Variants in WWOX observed in about 807,000 individuals in gnomAD.
WWOX encodes the protein WW domain containing oxidoreductase.
Under a neutral mutation model 46.2 loss-of-function variants are expected in WWOX, and 69 were observed. The ratio of observed to expected loss-of-function variants is 1.49; its 90% CI spans 1.23 to 1.82. The LOEUF (loss-of-function observed/expected upper bound fraction) is 1.82. Ranked by LOEUF, WWOX falls within the 40% of genes most tolerant of loss-of-function variation. WWOX has a pLI of 0.00. For missense variants in WWOX, 919 were observed against 542.6 expected, an observed-to-expected ratio of 1.69 and a Z score of -6.89; for synonymous variants, 359 against 202.6, an observed-to-expected ratio of 1.77 and a Z score of -6.56.
intron 8 of WWOX, among the ~76,000 whole-genome samples, chr16:78,579,936 T>TA (rs1245387050): frequency 6.6e-6 from 1 of 152,200 alleles, no homozygotes; most frequent in African/African-American, 2.4e-5. Context: ...TTCTGAATGT[T>TA]AAAATGCAGG....
chr16:78,627,045 C>CA (rs1419500068), intron 8 of WWOX, among the ~76,000 whole-genome samples: 2 of 152,194 alleles, frequency 1.3e-5, no homozygotes, highest in Admixed American at 6.5e-5. Context: ...CTCTTCCCCC[C>CA]ACCTCATACA....
At position 78,769,928 on chromosome 16, in the gene WWOX, C is replaced by T. The variant is rs116385768; in HGVS notation, c.1056+337176C>T. ...TGTGTGGTGGAGCATGTGGGGGTCC[C>T]AGCTACTTGGCAGGCTGAAGCAGGA... is the stretch of plus-strand genomic sequence containing the variant. On this transcript the variant is annotated intron_variant, in intron 8 of 8. Transcript: ENST00000566780. Among the ~76,000 whole-genome samples the T allele has an allele frequency of 6.9e-3, 1,049 of 152,084 alleles. 16 individuals carry two copies. Among genetic ancestry groups the T allele is most frequent in the African/African-American group, 0.024 (1,009 of 41,468 alleles).
intron 6 of WWOX, among the ~76,000 whole-genome samples, chr16:78,392,563 C>G (rs527379652): frequency 1.3e-5 from 2 of 152,140 alleles, no homozygotes; most frequent in East Asian, 3.9e-4. Flanking sequence ...CAGAAAACCA[C>G]TTGCTGGTGC....
In WWOX at chr16:78,337,889, C is replaced by A. The variant is rs1461874267; in HGVS notation, c.517-48971C>A. 2.5e-5 allele frequency among the ~76,000 whole-genome samples: 3 copies of A among 119,990 alleles called. 1 individual carries two copies. Among genetic ancestry groups the A allele is most frequent in the African/African-American group, 8.5e-5 (3 of 35,476 alleles). 78.7% of individuals were successfully genotyped at this position (119,990 alleles called of 152,430 possible). On this transcript the variant is annotated intron_variant, in intron 5 of 8. Coordinates refer to ENST00000566780, the MANE Select transcript of WWOX (RefSeq NM_016373.4). ...CAGTGGTAGAGCTGATGTAGAAGCGCCCTCTCTGTTCCTGGCAGTGCCTGT... is the reference window on the plus strand; with the variant it reads ...CAGTGGTAGAGCTGATGTAGAAGCGACCTCTCTGTTCCTGGCAGTGCCTGT...
intron 4 of WWOX, among the ~76,000 whole-genome samples, chr16:78,152,961 C>G (rs930565078): frequency 6.6e-5 from 10 of 152,158 alleles, no homozygotes; most frequent in Admixed American, 5.2e-4. Flanking sequence ...TTAGGAAGCT[C>G]TGTAGGGATT....
chr16:78,506,114 G>C (rs1262398414), intron 8 of WWOX, among the ~76,000 whole-genome samples: 1 of 151,732 alleles, frequency 6.6e-6, no homozygotes, highest in Non-Finnish European at 1.5e-5. Flanking sequence ...CCTGGAGAAG[G>C]GGAGGACAGG....
intron 5 of WWOX, among the ~76,000 whole-genome samples, chr16:78,292,659 A>T (rs981219711): frequency 3.9e-5 from 6 of 152,076 alleles, no homozygotes; most frequent in African/African-American, 1.2e-4. Context: ...AGCTCTTCCT[A>T]AATTTATTTA....
intron 8 of WWOX, among the ~76,000 whole-genome samples, chr16:78,563,889 C>T (rs1313108748): frequency 1.3e-5 from 2 of 152,142 alleles, no homozygotes; most frequent in South Asian, 2.1e-4. Flanking sequence ...CTCCTTGAAC[C>T]AGGATGGCAT....
At chr16:79,071,086 T>G (rs1474832111) in intron 8 of WWOX, among the ~76,000 whole-genome samples, 1 of 152,210 alleles carries the variant, frequency 6.6e-6, no homozygotes, top group African/African-American at 2.4e-5. Flanking sequence ...CCTTCTCTTT[T>G]TATGATTCCC....
At chr16:78,532,048 T>C (rs1333745290) in intron 8 of WWOX, among the ~76,000 whole-genome samples, 1 of 151,484 alleles carries the variant, frequency 6.6e-6, no homozygotes, top group African/African-American at 2.4e-5. Flanking sequence ...GAAGTGGTAT[T>C]TGGGGGAGTA....
chr16:79,155,205 ATC>A (rs1244238645), intron 8 of WWOX, among the ~76,000 whole-genome samples: 1 of 152,104 alleles, frequency 6.6e-6, no homozygotes, highest in African/African-American at 2.4e-5. Flanking sequence ...GTGAAACCCC[ATC>A]TCTCCTAAAA....
chr16:78,444,101 A>G (rs1326774794), intron 8 of WWOX, among the ~76,000 whole-genome samples: 1 of 152,188 alleles, frequency 6.6e-6, no homozygotes, highest in Non-Finnish European at 1.5e-5. Context: ...TCGTTTGGAA[A>G]CGGAACTCCT....
In WWOX at chr16:78,475,677, C is replaced by G. The variant is rs113197460; in HGVS notation, c.1056+42925C>G. ...GTGACATGATCTCGGCTCACTGCAACCTACACCTTCTGGGTTCAAGTGATT... is the reference window on the plus strand; with the variant it reads ...GTGACATGATCTCGGCTCACTGCAAGCTACACCTTCTGGGTTCAAGTGATT... On this transcript the variant is annotated intron_variant, in intron 8 of 8. Transcript: ENST00000566780. Among the ~76,000 whole-genome samples, 416 of 152,002 alleles carry G rather than the reference C, an allele frequency of 2.7e-3. 3 individuals are homozygous for G. The highest frequency in any genetic ancestry group is 9.3e-3 in the African/African-American group (387 of 41,438).
chr16:79,112,150 G>A (rs998065718), intron 8 of WWOX, among the ~76,000 whole-genome samples: 1 of 152,074 alleles, frequency 6.6e-6, no homozygotes, highest in Non-Finnish European at 1.5e-5. Context: ...AACATGAGAA[G>A]CTAGGGGGTC....
rs574948760 is a variant in WWOX at position 78,661,326 on chromosome 16, A to G, written c.1056+228574A>G. On this transcript the variant is annotated intron_variant, in intron 8 of 8. Transcript: ENST00000566780. ...ATCAGCACGCCATTTTTTAAAATTT[A>G]TGTTGCTATTGTATCGTAAGGTTCT... 2.0e-5 allele frequency among the ~76,000 whole-genome samples: 3 copies of G among 152,234 alleles called. No individual in the cohort carries two copies. The East Asian group carries it at 5.8e-4, about 29-fold the overall frequency.
At chr16:78,305,219 C>T (rs752310) in intron 5 of WWOX, among the ~76,000 whole-genome samples, 11,988 of 151,928 alleles carry the variant, frequency 0.079, 1,371 homozygotes, top group African/African-American at 0.25. Context: ...TTTTTCCTTT[C>T]CTTCCCCTTT....
intron 8 of WWOX, among the ~76,000 whole-genome samples, chr16:79,112,906 G>T (rs889073269): frequency 1.3e-5 from 2 of 152,196 alleles, no homozygotes; most frequent in African/African-American, 4.8e-5. Context: ...CCTCTGTGCA[G>T]CGCAGCTCAG....
rs536675249 is a variant in WWOX at position 79,087,533 on chromosome 16, G to GAGCCAGCCAACAGGAGAA, written c.1057-124068_1057-124051dup. Among the ~76,000 whole-genome samples the GAGCCAGCCAACAGGAGAA allele has an allele frequency of 4.1e-3, 622 of 152,274 alleles. 3 individuals are homozygous for GAGCCAGCCAACAGGAGAA. The highest frequency in any genetic ancestry group is 7.5e-3 in the Non-Finnish European group (510 of 68,030). Reference sequence around the variant, plus strand: ...TGTGCTAGAACAACAAGCTTGGAAGGAGCCAGCCAACAGGAGAAAGCCAGA... The same window carrying GAGCCAGCCAACAGGAGAA: ...TGTGCTAGAACAACAAGCTTGGAAGGAGCCAGCCAACAGGAGAAAGCCAGCCAACAGGAGAAAGCCAGA... On this transcript the variant is annotated intron_variant, in intron 8 of 8. Transcript: ENST00000566780.
At chr16:79,086,546 C>T (rs1177599373) in intron 8 of WWOX, among the ~76,000 whole-genome samples, 1 of 152,152 alleles carries the variant, frequency 6.6e-6, no homozygotes, top group Admixed American at 6.5e-5. Context: ...ATGCTTCTCT[C>T]CCTCTGGAGT....
Sources: allele counts gnomAD v4.1 joint callset (sites outside exome capture counted in the v4.1 genomes callset), GRCh38; gene constraint gnomAD v4.1.1; transcripts MANE v1.5; gene names NCBI Gene and HGNC (gene_info 2026-07-23, HGNC 2026-07-21).